Variants in SAMD3 observed in about 807,000 individuals in gnomAD.
SAMD3 encodes sterile alpha motif domain containing 3.
Under a neutral mutation model 58.5 loss-of-function variants are expected in SAMD3, and 63 were observed. The observed-to-expected ratio is 1.08, with a 90% CI of 0.88 to 1.33. SAMD3 has a LOEUF of 1.33. SAMD3 is among the 40% of genes most tolerant of loss of function. The pLI, the probability that SAMD3 is intolerant of heterozygous loss-of-function variation, is 0.00. For synonymous variants in SAMD3, 220 were observed against 210.3 expected, an observed-to-expected ratio of 1.05 and a Z score of -0.40; for missense variants, 604 against 608.4, an observed-to-expected ratio of 0.99 and a Z score of 0.08.
intron 1 of SAMD3, among the ~76,000 whole-genome samples, chr6:130,342,761 C>G (rs529183018): frequency 4.2e-4 from 64 of 152,272 alleles, no homozygotes; most frequent in Non-Finnish European, 8.5e-4. Context: ...TTGATTTTAA[C>G]TGTTCTTGAC....
chr6:130,155,821 C>T (rs1789725928), intron 8 of SAMD3, among the ~76,000 whole-genome samples: 2 of 152,116 alleles, frequency 1.3e-5, no homozygotes, highest in African/African-American at 4.8e-5. Flanking sequence ...GATCTACTTT[C>T]TGTGAACACA....
rs1466382673 is a variant in SAMD3, at chr6:130,144,353, A to T, written c.*167T>A. Reference sequence around the variant, plus strand: ...AATTTTATTACAGAATTTCACAAAGAACTTAATATCTAAGTGTAAAGATAG... The same window carrying T: ...AATTTTATTACAGAATTTCACAAAGTACTTAATATCTAAGTGTAAAGATAG... On this transcript the variant is annotated 3_prime_UTR_variant, in exon 12 of 12. Transcript: ENST00000439090. 6 of 594,134 alleles carry T rather than the reference A, an allele frequency of 1.0e-5. No homozygotes were observed. The highest frequency in any genetic ancestry group is 1.9e-5 in the African/African-American group (1 of 52,964). The allele number at this position is 594,134 out of a possible 1,614,324, so 36.8% of individuals were successfully genotyped here. A position where few individuals can be genotyped will look rare whatever the true frequency, so the allele number is the denominator to read the frequency against.
At chr6:130,175,315 C>A (rs1283309697) in intron 8 of SAMD3, among the ~76,000 whole-genome samples, 4 of 152,198 alleles carry the variant, frequency 2.6e-5, no homozygotes, top group African/African-American at 9.7e-5. Context: ...TCTCCAGGCC[C>A]TCCCACGGGC....
chr6:130,161,072 T>C (rs1790238925), intron 8 of SAMD3: 1 of 152,024 alleles, frequency 6.6e-6, no homozygotes, highest in Non-Finnish European at 1.5e-5. Context: ...AACATAAAAT[T>C]CAGAATAGTG....
At chr6:130,347,041 A>T in intron 1 of SAMD3, among the ~76,000 whole-genome samples, 1 of 152,194 alleles carries the variant, frequency 6.6e-6, no homozygotes. Context: ...AAGGAAAACT[A>T]ATAAACAGAA....
chr6:130,211,724 C>T (rs1795587621), intron 4 of SAMD3, among the ~76,000 whole-genome samples: 2 of 152,118 alleles, frequency 1.3e-5, no homozygotes, highest in South Asian at 2.1e-4. Flanking sequence ...GCAAGCTGTA[C>T]CTGACTACAT....
At chr6:130,161,706 T>G (rs1245826116) in intron 8 of SAMD3, 1 of 152,256 alleles carries the variant, frequency 6.6e-6, no homozygotes, top group East Asian at 1.9e-4. Context: ...CCTCACACTT[T>G]ACTGATGGGC....
chr6:130,168,709 T>C (rs968776229), intron 8 of SAMD3, among the ~76,000 whole-genome samples: 3 of 152,248 alleles, frequency 2.0e-5, no homozygotes, highest in African/African-American at 7.2e-5. Context: ...AATTTTTTTC[T>C]GTATTATAAA....
intron 2 of SAMD3, among the ~76,000 whole-genome samples, chr6:130,216,152 T>C (rs1457010058): frequency 6.6e-6 from 1 of 151,976 alleles, no homozygotes; most frequent in South Asian, 2.1e-4. Flanking sequence ...GCCACTTGTC[T>C]GCAACCACTT....
chr6:130,328,280 T>C (rs1235069091), intron 1 of SAMD3, among the ~76,000 whole-genome samples: 1 of 152,248 alleles, frequency 6.6e-6, no homozygotes, highest in Non-Finnish European at 1.5e-5. Flanking sequence ...CCCTGGTCTC[T>C]GATTGCTGGT....
At chr6:130,201,421 G>C (rs895968391) in intron 5 of SAMD3, among the ~76,000 whole-genome samples, 1 of 152,148 alleles carries the variant, frequency 6.6e-6, no homozygotes, top group Non-Finnish European at 1.5e-5. Flanking sequence ...AACAGCACTG[G>C]AATTAAGAAT....
chr6:130,198,367 G>C (rs1794338487), intron 5 of SAMD3, among the ~76,000 whole-genome samples: 1 of 152,092 alleles, frequency 6.6e-6, no homozygotes. Context: ...ACCACACCCA[G>C]CTAATTTTTA....
upstream of SAMD3, among the ~76,000 whole-genome samples, chr6:130,226,581 C>T (rs952216940): frequency 6.6e-6 from 1 of 152,210 alleles, no homozygotes; most frequent in Non-Finnish European, 1.5e-5. Flanking sequence ...AATCCCAGCA[C>T]TTTGGGAGGC....
At chr6:130,279,666 G>T (rs1042196400) in intron 2 of SAMD3, among the ~76,000 whole-genome samples, 4 of 151,912 alleles carry the variant, frequency 2.6e-5, no homozygotes, top group African/African-American at 9.7e-5. Context: ...TGTACATTTA[G>T]TACAGACAGG....
At chr6:130,281,492 T>A (rs1774979354) in intron 2 of SAMD3, among the ~76,000 whole-genome samples, 1 of 152,108 alleles carries the variant, frequency 6.6e-6, no homozygotes, top group Admixed American at 6.6e-5. Context: ...TGTCCTCTTA[T>A]CTCCCTGCAT....
At chr6:130,238,607 C>T (rs1193642889) in intron 2 of SAMD3, among the ~76,000 whole-genome samples, 1 of 151,926 alleles carries the variant, frequency 6.6e-6, no homozygotes, top group African/African-American at 2.4e-5. Context: ...TCTAAAAGGA[C>T]CCTAGGAAAG....
At chr6:130,288,968 T>C (rs1005891538) in intron 2 of SAMD3, among the ~76,000 whole-genome samples, 4 of 152,226 alleles carry the variant, frequency 2.6e-5, no homozygotes, top group Non-Finnish European at 5.9e-5. Context: ...TTGGTTAACT[T>C]CTATGCGCCC....
At chr6:130,164,407 T>C (rs1790540927) in intron 8 of SAMD3, among the ~76,000 whole-genome samples, 1 of 152,098 alleles carries the variant, frequency 6.6e-6, no homozygotes, top group African/African-American at 2.4e-5. Flanking sequence ...CTCATATATT[T>C]CCCCACGCTA....
intron 2 of SAMD3, among the ~76,000 whole-genome samples, chr6:130,244,754 TAAAAATAAAAATAA>T (rs1773484300): frequency 4.2e-5 from 6 of 143,428 alleles, no homozygotes; most frequent in African/African-American, 1.7e-4. Context: ...AAAATAAAAA[TAAAAATAAAAATAA>T]AAATAAAAAT....
Sources: gnomAD v4.1 joint callset for allele counts (sites outside exome capture counted in the v4.1 genomes callset) on GRCh38, gnomAD v4.1.1 for gene constraint, MANE v1.5 for transcripts, NCBI Gene and HGNC (gene_info 2026-07-23, HGNC 2026-07-21) for gene names.